Variants in SLIT2 observed in about 807,000 individuals in gnomAD.
SLIT2 encodes the protein slit homolog 2 protein.
In SLIT2, 41 loss-of-function variants were observed where a neutral mutation model predicts 185.7. That is an observed-to-expected ratio of 0.22 (90% confidence interval 0.17 to 0.29). The LOEUF (loss-of-function observed/expected upper bound fraction) is 0.29. Ranked by LOEUF, SLIT2 falls within the 10% of genes least tolerant of loss-of-function variation. The pLI, the probability that SLIT2 is intolerant of heterozygous loss-of-function variation, is 1.00. For missense variants in SLIT2, 1,571 were observed against 1,909.0 expected, an observed-to-expected ratio of 0.82 and a Z score of 3.30; for synonymous variants, 693 against 680.2, an observed-to-expected ratio of 1.02 and a Z score of -0.29.
intron 30 of SLIT2, among the ~76,000 whole-genome samples, chr4:20,590,208 G>A (rs1727410392): frequency 6.6e-6 from 1 of 152,030 alleles, no homozygotes; most frequent in Non-Finnish European, 1.5e-5. Context: ...CCCAGCCCCA[G>A]ACTTTTTGTT....
rs571615706 is a variant in SLIT2 at position 20,534,891 on chromosome 4, T to C, written c.1832+1176T>C. On this transcript the variant is annotated intron_variant, in intron 18 of 36. Transcript: ENST00000504154. ...GTGCATTCCTTGAGTTTTGCAGGAA[T>C]AGCCTGAAACCTGACCACCCAGCAG... Among the ~76,000 whole-genome samples, 7 of 152,282 alleles carry C rather than the reference T, an allele frequency of 4.6e-5. No individual in the cohort carries two copies. The South Asian group carries it at 1.2e-3, about 27-fold the overall frequency.
At chr4:20,540,281 C>T (rs1292184385) in intron 19 of SLIT2, among the ~76,000 whole-genome samples, 2 of 150,376 alleles carry the variant, frequency 1.3e-5, no homozygotes, top group Non-Finnish European at 3.0e-5. Context: ...GAGCGAGACT[C>T]CATCTCAAGG....
chr4:20,337,696 T>G (rs1284763449), intron 4 of SLIT2, among the ~76,000 whole-genome samples: 1 of 152,172 alleles, frequency 6.6e-6, no homozygotes, highest in African/African-American at 2.4e-5. Flanking sequence ...CCACATAAAC[T>G]AAGCCAAAAT....
At chr4:20,511,729 AT>A (rs1220794745) in intron 11 of SLIT2, among the ~76,000 whole-genome samples, 1 of 151,222 alleles carries the variant, frequency 6.6e-6, no homozygotes. Flanking sequence ...TGCCCGGCCC[AT>A]TTTTTTATTT....
At chr4:20,472,580 C>CGA (rs796761695) in intron 5 of SLIT2, among the ~76,000 whole-genome samples, 116 of 10,382 alleles carry the variant, frequency 0.011, 28 homozygotes, top group East Asian at 0.027. Context: ...ATAGATATAT[C>CGA]TATATATAGA....
chr4:20,378,273 G>C (rs1424430355), intron 4 of SLIT2, among the ~76,000 whole-genome samples: 6 of 152,126 alleles, frequency 3.9e-5, no homozygotes, highest in Non-Finnish European at 8.8e-5. Context: ...AAAAAATAAT[G>C]TATTCTTTAT....
chr4:20,574,806 AAC>A (rs1725949143), intron 29 of SLIT2, among the ~76,000 whole-genome samples: 2 of 151,528 alleles, frequency 1.3e-5, no homozygotes, highest in East Asian at 3.9e-4. Flanking sequence ...AAAAAAAAAA[AAC>A]AAAGGTTATT....
chr4:20,299,730 G>A (rs1716866030), intron 4 of SLIT2, among the ~76,000 whole-genome samples: 1 of 151,728 alleles, frequency 6.6e-6, no homozygotes, highest in South Asian at 2.1e-4. Context: ...CCGACAGGGG[G>A]AGCCAATTCC....
rs549913734 is a variant in SLIT2 at position 20,252,938 on chromosome 4, G to A, written c.-878G>A. Among the ~76,000 whole-genome samples, 2 of 152,248 alleles carry A rather than the reference G, an allele frequency of 1.3e-5. No homozygotes were observed. Among genetic ancestry groups the A allele is most frequent in the Admixed American group, 1.3e-4 (2 of 15,296 alleles). The stretch of plus-strand genomic sequence containing the variant: ...TCCACTTGGCCTCTTGGAGTTCCTC[G>A]CCGGAGTGCTGACTAGTGGATATTT... On this transcript the variant is annotated 5_prime_UTR_variant, in exon 1 of 37. Coordinates refer to ENST00000504154, the MANE Select transcript of SLIT2 (RefSeq NM_004787.4).
intron 5 of SLIT2, among the ~76,000 whole-genome samples, chr4:20,477,155 TAAAA>T (rs11362908): frequency 7.2e-5 from 10 of 139,066 alleles, no homozygotes; most frequent in Admixed American, 2.2e-4. Context: ...CCTCCTACCA[TAAAA>T]AAAAAAAAAA....
At chr4:20,280,095 A>G (rs1283234678) in intron 4 of SLIT2, among the ~76,000 whole-genome samples, 1 of 152,114 alleles carries the variant, frequency 6.6e-6, no homozygotes, top group African/African-American at 2.4e-5. Context: ...GCACTTTGGG[A>G]GGCGGAGGTG....
intron 8 of SLIT2, among the ~76,000 whole-genome samples, chr4:20,491,327 G>A (rs1359711689): frequency 6.6e-6 from 1 of 152,020 alleles, no homozygotes; most frequent in Non-Finnish European, 1.5e-5. Context: ...AAGTACTACT[G>A]TTTTGTTTTC....
chr4:20,560,093 A>G (rs1024363010), intron 26 of SLIT2, among the ~76,000 whole-genome samples: 2 of 151,894 alleles, frequency 1.3e-5, no homozygotes, highest in Non-Finnish European at 2.9e-5. Flanking sequence ...TTTATAATTG[A>G]GGTTTACATA....
chr4:20,557,446 A>G (rs1457496942), intron 26 of SLIT2, among the ~76,000 whole-genome samples: 3 of 151,988 alleles, frequency 2.0e-5, no homozygotes, highest in Non-Finnish European at 4.4e-5. Flanking sequence ...AAATGGAACA[A>G]CAGAGCCTAG....
At position 20,254,011 on chromosome 4, in the gene SLIT2, C is replaced by T. The variant is rs760930773; in HGVS notation, c.179+17C>T. The T allele has an allele frequency of 6.3e-7, 1 of 1,594,412 alleles. No individual in the cohort carries two copies. The highest frequency in any genetic ancestry group is 1.7e-5 in the Admixed American group (1 of 59,576). On this transcript the variant is annotated intron_variant, in intron 1 of 36. Coordinates refer to ENST00000504154, the MANE Select transcript of SLIT2 (RefSeq NM_004787.4). This position sits in a 1 kb window ranked among gnomAD's most constrained non-coding sequence, Gnocchi z 5.1. ...CGAGAGACTGTGAGTATGCGCTCTT[C>T]GTCTTCCCCTCTCCCCATCCGGGCC...
At chr4:20,550,939 C>A in intron 25 of SLIT2, 41 bp downstream of exon 25, 1 of 1,088,490 alleles carries the variant, frequency 9.2e-7, no homozygotes, top group Non-Finnish European at 1.4e-6. Context: ...GGGTCAAACA[C>A]TTCCTAATGA....
At chr4:20,275,689 G>T (rs867064415) in intron 4 of SLIT2, among the ~76,000 whole-genome samples, 1 of 152,100 alleles carries the variant, frequency 6.6e-6, no homozygotes, top group Non-Finnish European at 1.5e-5. Context: ...GCTGCAGAAG[G>T]TACATTAGGG....
intron 4 of SLIT2, among the ~76,000 whole-genome samples, chr4:20,315,880 T>C (rs1718531970): frequency 6.6e-6 from 1 of 152,116 alleles, no homozygotes; most frequent in African/African-American, 2.4e-5. Context: ...GTGTATTCTA[T>C]GTACTTATTA....
chr4:20,371,337 T>C (rs1723555156), intron 4 of SLIT2, among the ~76,000 whole-genome samples: 1 of 151,810 alleles, frequency 6.6e-6, no homozygotes, highest in Non-Finnish European at 1.5e-5. Flanking sequence ...CAGATACCAC[T>C]CCACCACACA....
Sources: allele counts gnomAD v4.1 joint callset (sites outside exome capture counted in the v4.1 genomes callset), GRCh38; gene constraint gnomAD v4.1.1; non-coding constraint Gnocchi (gnomAD v3.1); transcripts MANE v1.5; gene names NCBI Gene and HGNC (gene_info 2026-07-23, HGNC 2026-07-21).